Variants in SCART1 observed in about 807,000 individuals in gnomAD.
The protein encoded by SCART1 is scavenger receptor cysteine-rich domain-containing protein SCART1.
In SCART1, 62 loss-of-function variants were observed where a neutral mutation model predicts 36.2. The observed-to-expected ratio is 1.71, with a 90% CI of 1.40 to 2.12. The LOEUF is 2.12. SCART1 is among the 30% of genes most tolerant of loss of function. SCART1 has a pLI of 0.00. For synonymous variants in SCART1, 487 were observed against 238.7 expected, an observed-to-expected ratio of 2.04 and a Z score of -9.59; for missense variants, 1,041 against 540.5, an observed-to-expected ratio of 1.93 and a Z score of -9.18.
At chr10:133,464,794 T>C (rs1354427819) in exon 7 of SCART1, 2 of 702,554 alleles carry the variant, frequency 2.8e-6, no homozygotes, top group Non-Finnish European at 5.2e-6. Context: ...CCTTCCCCTC[T>C]GCGGGCACCG....
intron 7 of SCART1, 71 bp downstream of exon 7, chr10:133,464,982 A>G (rs1427813493): frequency 2.9e-6 from 2 of 701,726 alleles, no homozygotes; most frequent in East Asian, 5.4e-5. Context: ...ATCTGTCCTG[A>G]CAGGTCACTT....
intron 9 of SCART1, chr10:133,466,023 G>A (rs1016128453): frequency 3.0e-6 from 2 of 659,244 alleles, no homozygotes; most frequent in South Asian, 1.7e-5. Context: ...AAGGAAGGGG[G>A]CTGTCCCTTG....
chr10:133,456,654 C>T lies in SCART1; in HGVS notation c.385+100C>T, dbSNP rs181826519. 73 of 582,700 alleles carry T rather than the reference C, an allele frequency of 1.3e-4. No individual in the cohort carries two copies. The East Asian group carries it at 1.6e-3, about 13-fold the overall frequency. 36.1% of individuals were successfully genotyped at this position (582,700 alleles called of 1,614,324 possible). On this transcript the variant is annotated intron_variant, in intron 2 of 11. Coordinates refer to ENST00000640237, the Ensembl canonical transcript of SCART1. ...ACGCAGAGGAGGACTGGGAGGATGGCGGGTCTCGGAGACGGGCGGGGAGGC... is the reference window on the plus strand; with the variant it reads ...ACGCAGAGGAGGACTGGGAGGATGGTGGGTCTCGGAGACGGGCGGGGAGGC...
chr10:133,460,330 G>A (rs552359368), intron 6 of SCART1, among the ~76,000 whole-genome samples, 160 bp downstream of exon 6: 1 of 151,852 alleles, frequency 6.6e-6, no homozygotes, highest in Non-Finnish European at 1.5e-5. Context: ...TATAGTAAGT[G>A]CTACCGGACA....
exon 3 of SCART1, chr10:133,457,561 AGGT>A (rs1850635161): frequency 1.4e-6 from 1 of 700,230 alleles, no homozygotes; most frequent in Non-Finnish European, 2.6e-6. Flanking sequence ...CTGGACGCAG[AGGT>A]GGTCTGCTCA....
At chr10:133,456,464 G>A (rs1436248389) in exon 2 of SCART1, 4 of 702,140 alleles carry the variant, frequency 5.7e-6, no homozygotes, top group Non-Finnish European at 1.0e-5. Context: ...GTCCTGCCGG[G>A]GCAACGAGTC....
chr10:133,456,180 CT>C lies in SCART1; in HGVS notation c.68-56del, dbSNP rs563879625. On this transcript the variant is annotated intron_variant, in intron 1 of 11. Coordinates refer to ENST00000640237, the Ensembl canonical transcript of SCART1. ...CGTTCCCTGCTGCCGCGGCTGCCAT[CT>C]CCTCCTGCGCCTCTGGTTGGTTCTG... is the stretch of plus-strand genomic sequence containing the variant. 502 of 663,502 alleles carry C rather than the reference CT, an allele frequency of 7.6e-4. 2 individuals are homozygous for C. In the South Asian group the frequency reaches 8.0e-3, roughly 11 times the overall value. 41.1% of individuals were successfully genotyped at this position (663,502 alleles called of 1,614,324 possible).
intron 10 of SCART1, chr10:133,466,925 C>A (rs1487263992): frequency 3.0e-6 from 1 of 333,780 alleles, no homozygotes; most frequent in Non-Finnish European, 5.4e-6. Context: ...CAGCCTCCAG[C>A]CCTCAAGACT....
intron 2 of SCART1, 31 bp downstream of exon 2, chr10:133,456,585 T>TGAGGAGGAGGAGGAGTGGGAGGAC (rs1850615957): frequency 3.2e-6 from 2 of 616,468 alleles, no homozygotes; most frequent in Non-Finnish European, 5.8e-6. Context: ...GGGACGGGGC[T>TGAGGAGGAGGAGGAGTGGGAGGAC]GAGGAGGAGG....
At chr10:133,462,875 A>G (rs185888092) in intron 6 of SCART1, among the ~76,000 whole-genome samples, 44 of 152,258 alleles carry the variant, frequency 2.9e-4, no homozygotes, top group Admixed American at 2.5e-3. Flanking sequence ...TGGGGCCCAG[A>G]CTCAGTGAGA....
At chr10:133,457,634 G>C (rs2133551106) in intron 3 of SCART1, 59 bp downstream of exon 3, 1 of 609,140 alleles carries the variant, frequency 1.6e-6, no homozygotes, top group East Asian at 2.9e-5. Context: ...CCCGGACCTG[G>C]GGAGGGCAGG....
chr10:133,457,182 C>T (rs1850627454), intron 2 of SCART1, 97 bp from the exon 3 acceptor site: 1 of 660,536 alleles, frequency 1.5e-6, no homozygotes, highest in South Asian at 1.6e-5. Context: ...CTGGCCCTGG[C>T]TCAGCCCATC....
chr10:133,459,930 T>TG lies in SCART1; in HGVS notation c.1733dup (p.Thr579HisfsTer4), dbSNP rs773996170. On this transcript the variant is annotated frameshift_variant, in exon 6 of 12. Transcript: ENST00000640237. LOFTEE classifies it high-confidence loss of function. ...GGCCGGGGCGCTGCACGGGGGCGCGTGGGGCACCGTGTGTGACGATGCCTG... is the reference window on the plus strand; with the variant it reads ...GGCCGGGGCGCTGCACGGGGGCGCGTGGGGGCACCGTGTGTGACGATGCCTG... 12 of 540,630 alleles carry TG rather than the reference T, an allele frequency of 2.2e-5. No individual in the cohort carries two copies. The highest frequency in any genetic ancestry group is 3.5e-5 in the Non-Finnish European group (11 of 310,244). 33.5% of individuals were successfully genotyped at this position (540,630 alleles called of 1,614,324 possible).
At chr10:133,460,392 T>C (rs1303275942) in intron 6 of SCART1, among the ~76,000 whole-genome samples, 1 of 151,322 alleles carries the variant, frequency 6.6e-6, no homozygotes, top group East Asian at 1.9e-4. Flanking sequence ...CTGTCGCAGG[T>C]TGGCCCTGGG....
Position 133,457,278 on chromosome 10 carries a change from G to A in SCART1, c.386-1G>A, listed in dbSNP as rs1850628880. On this transcript the variant is annotated splice_acceptor_variant, in intron 2 of 11. Coordinates refer to ENST00000640237, the Ensembl canonical transcript of SCART1. LOFTEE classifies it high-confidence loss of function. ...AAGGAGGACCGGCCTGTGCTCCACA[G>A]ACGGCACTTTCCGGGAGCTCCGGCT... 1 of 700,884 alleles carries A rather than the reference G, an allele frequency of 1.4e-6. No homozygotes were observed. Among genetic ancestry groups the A allele is most frequent in the South Asian group, 1.5e-5 (1 of 67,490 alleles). 43.4% of individuals were successfully genotyped at this position (700,884 alleles called of 1,614,324 possible).
At chr10:133,460,496 A>ATATATATTTTTTT in intron 6 of SCART1, among the ~76,000 whole-genome samples, 1 of 136,016 alleles carries the variant, frequency 7.4e-6, no homozygotes, top group Non-Finnish European at 1.6e-5. Flanking sequence ...ATATTTATAT[A>ATATATATTTTTTT]TTTTAAAAAA....
exon 6 of SCART1, chr10:133,460,054 T>C: frequency 2.0e-6 from 1 of 512,630 alleles, no homozygotes; most frequent in East Asian, 3.5e-5. Context: ...GCAGGGCGCA[T>C]CTGGCTGGAC....
intron 6 of SCART1, among the ~76,000 whole-genome samples, chr10:133,461,437 C>T (rs1850700737): frequency 6.6e-6 from 1 of 152,194 alleles, no homozygotes; most frequent in Non-Finnish European, 1.5e-5. Flanking sequence ...ACGCTTTCTT[C>T]AGCGATATCT....
At position 133,457,589 on chromosome 10, in the gene SCART1, C is replaced by T. The variant is rs570435411; in HGVS notation, c.682+14C>T. The stretch of plus-strand genomic sequence containing the variant: ...TGGTCTGCTCAGGTGAGGCTGCCAC[C>T]TGATGTTCCCAGTGACCCTTGGGAT... On this transcript the variant is annotated intron_variant, in intron 3 of 11. Coordinates refer to ENST00000640237, the Ensembl canonical transcript of SCART1. 1.1e-3 allele frequency: 715 copies of T among 675,542 alleles called. 3 individuals carry two copies. Among genetic ancestry groups the T allele is most frequent in the South Asian group, 2.4e-3 (155 of 63,312 alleles). The allele number at this position is 675,542 out of a possible 1,614,324, so 41.8% of individuals were successfully genotyped here.
Sources: allele counts gnomAD v4.1 joint callset (sites outside exome capture counted in the v4.1 genomes callset), GRCh38; gene constraint gnomAD v4.1.1; transcripts MANE v1.5; gene names NCBI Gene and HGNC (gene_info 2026-07-23, HGNC 2026-07-21).